The following CLVS1 variants were observed in gnomAD, a reference collection of about 807,000 sequenced individuals.
CLVS1 encodes clavesin 1.
Under a neutral mutation model 33.1 loss-of-function variants are expected in CLVS1, and 10 were observed. The ratio of observed to expected loss-of-function variants is 0.30; its 90% CI spans 0.19 to 0.51. The LOEUF is 0.51. Ranked by LOEUF, CLVS1 falls within the 20% of genes least tolerant of loss-of-function variation. The pLI is 0.97. For missense variants in CLVS1, 343 were observed against 433.4 expected, an observed-to-expected ratio of 0.79 and a Z score of 1.85; for synonymous variants, 163 against 166.1, an observed-to-expected ratio of 0.98 and a Z score of 0.14.
intron 3 of CLVS1, among the ~76,000 whole-genome samples, chr8:61,410,095 TGCTAGGTAAAAGGATA>T (rs1815161370): frequency 2.1e-4 from 26 of 123,866 alleles, no homozygotes; most frequent in African/African-American, 3.7e-4. Context: ...TCTTTGTTTT[TGCTAGGTAAAAGGATA>T]TTTTGTTGTA....
intron 1 of CLVS1, among the ~76,000 whole-genome samples, chr8:61,079,558 G>T (rs1804984575): frequency 6.6e-6 from 1 of 152,210 alleles, no homozygotes; most frequent in African/African-American, 2.4e-5. Flanking sequence ...TAGAAACCAT[G>T]TTGCTGCCTG....
the CLVS1 span, among the ~76,000 whole-genome samples, chr8:61,030,604 G>A: frequency 6.6e-6 from 1 of 152,302 alleles, no homozygotes; most frequent in East Asian, 1.9e-4. Context: ...GTAACACTGG[G>A]ACAGGAATCT....
intron 2 of CLVS1, among the ~76,000 whole-genome samples, chr8:61,314,652 T>C (rs1415607231): frequency 6.6e-6 from 1 of 152,248 alleles, no homozygotes; most frequent in Non-Finnish European, 1.5e-5. Flanking sequence ...GATTATACCC[T>C]GGGCTGTGAA....
At chr8:61,284,193 T>C (rs1809730964), upstream of CLVS1, among the ~76,000 whole-genome samples, 1 of 152,126 alleles carries the variant, frequency 6.6e-6, no homozygotes, top group Non-Finnish European at 1.5e-5. Flanking sequence ...GAAAGTAGAA[T>C]AGTGGTTACC....
At chr8:61,207,293 G>A (rs150715250) in intron 2 of CLVS1, among the ~76,000 whole-genome samples, 2 of 152,278 alleles carry the variant, frequency 1.3e-5, no homozygotes, top group African/African-American at 4.8e-5. Flanking sequence ...AGAGATGCAC[G>A]GGCTCCAGTG....
the CLVS1 span, among the ~76,000 whole-genome samples, chr8:61,023,775 G>A: frequency 6.6e-6 from 1 of 152,102 alleles, no homozygotes; most frequent in Non-Finnish European, 1.5e-5. Flanking sequence ...GGCCCAGCGC[G>A]CTGGCCCTGA....
rs554947466 is a variant in CLVS1, at chr8:61,184,776, C to A, written c.-152+52916C>A. Among the ~76,000 whole-genome samples, 3 of 152,236 alleles carry A rather than the reference C, an allele frequency of 2.0e-5. No homozygotes were observed. In the South Asian group the frequency reaches 6.2e-4, roughly 32 times the overall value. Reference sequence around the variant, plus strand: ...GGGGTATACAAAATATCCACAAATGCAAGTGATAGCAGACCGTTAGAATAA... The same window carrying A: ...GGGGTATACAAAATATCCACAAATGAAAGTGATAGCAGACCGTTAGAATAA... On this transcript the variant is annotated intron_variant, in intron 2 of 2. Coordinates refer to the CLVS1 transcript ENST00000522621.
chr8:61,150,584 C>G (rs2129294776), intron 2 of CLVS1, among the ~76,000 whole-genome samples: 2 of 152,286 alleles, frequency 1.3e-5, no homozygotes, highest in Middle Eastern at 6.8e-3. Flanking sequence ...TGGCCCCCTG[C>G]CCACAATGCA....
At chr8:61,017,506 G>A in the CLVS1 span, among the ~76,000 whole-genome samples, 1 of 152,236 alleles carries the variant, frequency 6.6e-6, no homozygotes, top group Non-Finnish European at 1.5e-5. Flanking sequence ...AGCACAACAT[G>A]TTTTCTCGTG....
the CLVS1 span, among the ~76,000 whole-genome samples, chr8:61,030,848 G>T: frequency 6.6e-6 from 1 of 152,206 alleles, no homozygotes; most frequent in African/African-American, 2.4e-5. Context: ...ACAGTAGAAA[G>T]GTGTAGGTTT....
chr8:61,080,452 C>A (rs1271662876), intron 1 of CLVS1, among the ~76,000 whole-genome samples: 1 of 152,108 alleles, frequency 6.6e-6, no homozygotes, highest in African/African-American at 2.4e-5. Flanking sequence ...CCCCCTTTAA[C>A]AATAAAGGGC....
At chr8:61,359,352 G>T (rs565499948) in intron 2 of CLVS1, among the ~76,000 whole-genome samples, 4 of 152,052 alleles carry the variant, frequency 2.6e-5, no homozygotes, top group African/African-American at 4.8e-5. Flanking sequence ...TGCTAGAAAA[G>T]ACTTTTTTTT....
intron 1 of CLVS1, among the ~76,000 whole-genome samples, chr8:61,070,756 C>T (rs1804779723): frequency 6.6e-6 from 1 of 152,216 alleles, no homozygotes; most frequent in Non-Finnish European, 1.5e-5. Flanking sequence ...GGGAGGGTTG[C>T]TTGAGCCCAG....
chr8:61,330,311 T>G (rs985682486), intron 2 of CLVS1, among the ~76,000 whole-genome samples: 2 of 152,048 alleles, frequency 1.3e-5, no homozygotes, highest in African/African-American at 4.8e-5. Context: ...CAGGAAATAG[T>G]TGGAAGGGGA....
chr8:61,413,689 G>C (rs375873811), intron 3 of CLVS1, among the ~76,000 whole-genome samples: 5 of 152,136 alleles, frequency 3.3e-5, no homozygotes, highest in East Asian at 3.9e-4. Flanking sequence ...TCAATTCCTT[G>C]TATGGCTTGT....
At chr8:61,368,017 A>G (rs1813283833) in intron 2 of CLVS1, among the ~76,000 whole-genome samples, 1 of 152,226 alleles carries the variant, frequency 6.6e-6, no homozygotes, top group Non-Finnish European at 1.5e-5. Context: ...GTGAAGAAAT[A>G]GATGCATTTG....
At chr8:61,176,808 C>A (rs1385642334) in intron 2 of CLVS1, among the ~76,000 whole-genome samples, 1 of 152,178 alleles carries the variant, frequency 6.6e-6, no homozygotes, top group African/African-American at 2.4e-5. Context: ...CGTGCCTTTT[C>A]CACGGATCTG....
chr8:60,982,803 G>A, the CLVS1 span, among the ~76,000 whole-genome samples: 1 of 152,174 alleles, frequency 6.6e-6, no homozygotes, highest in Non-Finnish European at 1.5e-5. Context: ...TGGGCATGGT[G>A]GCTCATGCCT....
At chr8:61,024,983 G>A in the CLVS1 span, among the ~76,000 whole-genome samples, 4 of 151,944 alleles carry the variant, frequency 2.6e-5, no homozygotes, top group Non-Finnish European at 5.9e-5. Flanking sequence ...GAGTAGCTGG[G>A]ATTAGAGGTA....
Sources: gnomAD v4.1 joint callset for allele counts (sites outside exome capture counted in the v4.1 genomes callset) on GRCh38, gnomAD v4.1.1 for gene constraint, MANE v1.5 for transcripts, NCBI Gene and HGNC (gene_info 2026-07-23, HGNC 2026-07-21) for gene names.